Variants in IQCE observed in about 807,000 individuals in gnomAD.
IQCE encodes the protein IQ motif containing E, also known as IQ domain-containing protein E.
Under a neutral mutation model 96.0 loss-of-function variants are expected in IQCE, and 115 were observed. The observed-to-expected ratio is 1.20, with a 90% confidence interval of 1.03 to 1.40. The LOEUF is 1.40. Among genes scored for constraint, IQCE ranks in the 40% most tolerant of loss-of-function variants. The pLI is 0.00. For missense variants in IQCE, 1,041 were observed against 909.1 expected (o/e 1.15, Z -1.87); for synonymous variants, 412 against 371.2 (o/e 1.11, Z -1.26).
At chr7:2,569,037 C>T (rs759517421) in intron 3 of IQCE, 38 bp downstream of exon 3, 25 of 1,592,676 alleles carry the variant, frequency 1.6e-5, no homozygotes, top group African/African-American at 1.3e-4. Flanking sequence ...CTCACGCCGA[C>T]GTTCCCTGGT....
intron 16 of IQCE, chr7:2,597,033 G>A (rs747282999): frequency 2.8e-5 from 13 of 471,230 alleles, no homozygotes; most frequent in Non-Finnish European, 4.8e-5. Context: ...CAGGAGGCAG[G>A]GCACGCAAGG....
intron 20 of IQCE, among the ~76,000 whole-genome samples, chr7:2,606,866 A>G (rs1196125863): frequency 6.6e-6 from 1 of 152,154 alleles, no homozygotes; most frequent in Non-Finnish European, 1.5e-5. Flanking sequence ...AGGCCAGCTT[A>G]TAAAACCATG....
At chr7:2,572,403 C>G (rs1023075101) in intron 5 of IQCE, 77 bp downstream of exon 5, 44 of 1,467,618 alleles carry the variant, frequency 3.0e-5, no homozygotes, top group Non-Finnish European at 3.9e-5. Flanking sequence ...CTGGAGGCGT[C>G]CTTCGTCAGA....
intron 6 of IQCE, among the ~76,000 whole-genome samples, chr7:2,576,128 G>A (rs753832280): frequency 1.1e-4 from 17 of 152,200 alleles, no homozygotes; most frequent in Non-Finnish European, 1.9e-4. Flanking sequence ...TGGCTGAAGT[G>A]CCGAGCCGCC....
At chr7:2,607,278 T>C in intron 21 of IQCE, 51 bp downstream of exon 21, 3 of 1,611,550 alleles carry the variant, frequency 1.9e-6, no homozygotes, top group Non-Finnish European at 2.5e-6. Context: ...TCTGCTGAGG[T>C]CTCAGCCAAA....
At chr7:2,594,457 A>G (rs1172282339) in intron 15 of IQCE, among the ~76,000 whole-genome samples, 1 of 152,236 alleles carries the variant, frequency 6.6e-6, no homozygotes, top group Non-Finnish European at 1.5e-5. Context: ...CCCAGTGGTC[A>G]GTGGTCCCTG....
At chr7:2,584,987 C>T (rs577857168) in intron 11 of IQCE, among the ~76,000 whole-genome samples, 22 of 151,928 alleles carry the variant, frequency 1.4e-4, no homozygotes, top group African/African-American at 2.7e-4. Context: ...ATAGAACGAG[C>T]GAATACTAAA....
rs1785177887 is a variant in IQCE, at chr7:2,613,289, T to C, written c.*3127T>C. On this transcript the variant is annotated 3_prime_UTR_variant, in exon 22 of 22. Coordinates refer to ENST00000402050, the MANE Select transcript of IQCE (RefSeq NM_152558.5). ...ACAGGTGCAGTACCCGGAGGTGTGCTCTCCCCTAGAGGCCTGTCCCCAACT... is the reference window on the plus strand; with the variant it reads ...ACAGGTGCAGTACCCGGAGGTGTGCCCTCCCCTAGAGGCCTGTCCCCAACT... 1.3e-5 allele frequency: 2 copies of C among 152,164 alleles called. No individual in the cohort carries two copies. 9.4% of individuals were successfully genotyped at this position (152,164 alleles called of 1,614,324 possible).
Position 2,578,171 on chromosome 7 carries a change from G to A in IQCE, c.466-71G>A, listed in dbSNP as rs917134597. On this transcript the variant is annotated intron_variant, in intron 6 of 21. Transcript: ENST00000402050. Reference sequence around the variant, plus strand: ...CGCATTGGCGTGTGCGTGGCTGTGTGCGCGGGGACGTGTGTGCGGCGTGTG... The same window carrying A: ...CGCATTGGCGTGTGCGTGGCTGTGTACGCGGGGACGTGTGTGCGGCGTGTG... 102 of 1,179,512 alleles carry A rather than the reference G, an allele frequency of 8.6e-5. No homozygotes were observed. The African/African-American group carries it at 1.2e-3, about 14-fold the overall frequency. 73.1% of individuals were successfully genotyped at this position (1,179,512 alleles called of 1,614,324 possible).
In IQCE at chr7:2,572,305, C is replaced by G. The variant is rs764571796; in HGVS notation, c.373C>G (p.Leu125Val). ...CACCTTCAGAGTGAAGAGGCCACAT[C>G]TCAGGCGCTCTGCCAGCAACGGTGA... The part of the protein sequence containing the change: ...TDTFRVKRPH[L>V]RRSASNGHVP... The change falls in exon 5 of 22, where the codon CTC (leucine) becomes GTC (valine). Residue 125 changes from leucine to valine, a missense_variant. Leu to Val is a conservative substitution (Grantham distance 32). Transcript: ENST00000402050. 1.9e-6 allele frequency: 3 copies of G among 1,613,972 alleles called. No homozygotes were observed. Among genetic ancestry groups the G allele is most frequent in the Non-Finnish European group, 2.5e-6 (3 of 1,179,998 alleles).
At chr7:2,602,695 C>T (rs1029300767) in intron 18 of IQCE, among the ~76,000 whole-genome samples, 11 of 152,228 alleles carry the variant, frequency 7.2e-5, no homozygotes, top group African/African-American at 2.4e-4. Flanking sequence ...GGCCACATTA[C>T]TCATCCACAA....
intron 12 of IQCE, among the ~76,000 whole-genome samples, 168 bp downstream of exon 12, chr7:2,586,539 G>T (rs978938896): frequency 2.0e-5 from 3 of 152,270 alleles, no homozygotes; most frequent in Non-Finnish European, 2.9e-5. Context: ...GCCACGCGAT[G>T]CCCCGGGGAT....
At chr7:2,599,046 C>T (rs1037388224) in intron 17 of IQCE, among the ~76,000 whole-genome samples, 1 of 152,328 alleles carries the variant, frequency 6.6e-6, no homozygotes, top group East Asian at 1.9e-4. Context: ...TGCCGCCTGC[C>T]GCTATCTGTT....
chr7:2,609,913 C>T, intron 21 of IQCE, 131 bp from the exon 22 acceptor site: 1 of 641,180 alleles, frequency 1.6e-6, no homozygotes, highest in South Asian at 1.8e-5. Context: ...CTGTGTGCCC[C>T]ATGGCTTACT....
rs75410328 is a variant in IQCE, at chr7:2,582,546, C to T, written c.631-34C>T. On this transcript the variant is annotated intron_variant, in intron 8 of 21. Coordinates refer to ENST00000402050, the MANE Select transcript of IQCE (RefSeq NM_152558.5). The stretch of plus-strand genomic sequence containing the variant: ...GCCGCTTCTACTGAGGGAGAGAGGG[C>T]GTGGCCTGCCTGATGGGCACGTTCC... The T allele has an allele frequency of 1.9e-3, 2,969 of 1,596,384 alleles. 37 individuals carry two copies. The African/African-American group carries it at 0.034, about 18-fold the overall frequency.
At chr7:2,576,941 C>G (rs1488660845) in intron 6 of IQCE, among the ~76,000 whole-genome samples, 1 of 152,128 alleles carries the variant, frequency 6.6e-6, no homozygotes, top group African/African-American at 2.4e-5. Context: ...TGGCGGTATT[C>G]GTTTAGGCGC....
At chr7:2,604,398 A>G (rs1482505512) in intron 18 of IQCE, among the ~76,000 whole-genome samples, 1 of 152,196 alleles carries the variant, frequency 6.6e-6, no homozygotes, top group South Asian at 2.1e-4. Context: ...GGCATGAACC[A>G]CTGCACCCAG....
At chr7:2,563,893 C>CAAAA (rs34269895) in intron 1 of IQCE, among the ~76,000 whole-genome samples, 3 of 59,956 alleles carry the variant, frequency 5.0e-5, no homozygotes, top group African/African-American at 7.1e-5. Context: ...GACTCCATCT[C>CAAAA]AAAAAAAAAA....
chr7:2,572,089 C>T lies in IQCE; in HGVS notation c.260-103C>T, dbSNP rs1781792676. 11 of 1,259,962 alleles carry T rather than the reference C, an allele frequency of 8.7e-6. 1 individual carries two copies. The Admixed American group carries it at 2.4e-4, about 28-fold the overall frequency. 78.0% of individuals were successfully genotyped at this position (1,259,962 alleles called of 1,614,324 possible). On this transcript the variant is annotated intron_variant, in intron 4 of 21. Coordinates refer to ENST00000402050, the MANE Select transcript of IQCE (RefSeq NM_152558.5). ...CACGACACTGACGGCTGGCGTCTAT[C>T]AGTGATTCAGCTTTCTTCAATCCAG...
Sources: allele counts gnomAD v4.1 joint callset (sites outside exome capture counted in the v4.1 genomes callset), GRCh38; gene constraint gnomAD v4.1.1; transcripts MANE v1.5; gene names NCBI Gene and HGNC (gene_info 2026-07-23, HGNC 2026-07-21).